BACE1: variants seen among roughly 807,000 people sequenced by gnomAD.
BACE1 encodes beta-secretase 1.
BACE1 carries 21 observed loss-of-function variants against 54.0 expected under a neutral mutation model. That is an observed-to-expected ratio of 0.39 (90% CI 0.28 to 0.56). The LOEUF (loss-of-function observed/expected upper bound fraction) is 0.56. BACE1 is among the 20% of genes least tolerant of loss of function. BACE1 has a pLI of 0.63. For synonymous variants in BACE1, 232 were observed against 260.9 expected (o/e 0.89, Z 1.07); for missense variants, 511 against 661.2 (o/e 0.77, Z 2.49).
At position 117,292,829 on chromosome 11, in the gene BACE1, T is replaced by G. The variant is rs2134451684; in HGVS notation, c.840+225A>C. ...CAAGGCAGTGACTAGAGTCCAGACATCAGAACTAGTTCCATGTTTTTTTTT... is the reference window on the plus strand; with the variant it reads ...CAAGGCAGTGACTAGAGTCCAGACAGCAGAACTAGTTCCATGTTTTTTTTT... On this transcript the variant is annotated intron_variant, in intron 5 of 8. Coordinates refer to ENST00000313005, the MANE Select transcript of BACE1 (RefSeq NM_012104.6). The G allele has an allele frequency of 6.1e-6, 3 of 491,532 alleles. No individual in the cohort carries two copies. The South Asian group carries it at 8.0e-5, about 13-fold the overall frequency. The allele number at this position is 491,532 out of a possible 1,614,324, so 30.4% of individuals were successfully genotyped here. A position where few individuals can be genotyped will look rare whatever the true frequency, so the allele number is the denominator to read the frequency against.
rs903520101 is a variant in BACE1 at position 117,309,856 on chromosome 11, CTA to C, written c.261+5677_261+5678del. ...CACTCCTAACAGTTACCTTATTATC[CTA>C]TGTTTGGTCAGTGATGCTCATAATA... On this transcript the variant is annotated intron_variant, in intron 1 of 8. Coordinates refer to ENST00000313005, the MANE Select transcript of BACE1 (RefSeq NM_012104.6). Among the ~76,000 whole-genome samples, 3 of 152,090 alleles carry C rather than the reference CTA, an allele frequency of 2.0e-5. No individual in the cohort carries two copies. The East Asian group carries it at 5.8e-4, about 29-fold the overall frequency.
chr11:117,289,920 T>C, intron 8 of BACE1, 113 bp from the exon 9 acceptor site: 1 of 931,798 alleles, frequency 1.1e-6, no homozygotes, highest in Non-Finnish European at 1.6e-6. Context: ...TTATCTAATC[T>C]CCTTCCCAGG....
chr11:117,313,220 A>G (rs1406686308), intron 1 of BACE1, among the ~76,000 whole-genome samples: 12 of 152,184 alleles, frequency 7.9e-5, no homozygotes, highest in Non-Finnish European at 4.4e-5. Flanking sequence ...TAGAAATCAT[A>G]GTGCAAGCCA....
At position 117,293,990 on chromosome 11, in the gene BACE1, G is replaced by A; in HGVS notation, c.586C>T (p.Pro196Ser). The A allele has an allele frequency of 6.2e-7, 1 of 1,613,786 alleles. No homozygotes were observed. The highest frequency in any genetic ancestry group is 8.5e-7 in the Non-Finnish European group (1 of 1,179,858). ...TGCTTTACCAGAGAGTCAAAGAAAGGCTCCAGGGAGTCGTCAGGCTTTGGC... is the reference window on the plus strand; with the variant it reads ...TGCTTTACCAGAGAGTCAAAGAAAGACTCCAGGGAGTCGTCAGGCTTTGGC... ...EIARPDDSLE[P>S]FFDSLVKQTH... The change falls in exon 4 of 9, where the codon CCT becomes TCT. Residue 196 changes from proline (P) to serine (S), a missense_variant. Pro to Ser is a moderately conservative substitution (Grantham distance 74, BLOSUM62 -1). Transcript: ENST00000313005. This position sits in a 1 kb window ranked among gnomAD's most constrained non-coding sequence, Gnocchi z 4.1.
At chr11:117,312,217 G>A (rs1028598424) in intron 1 of BACE1, among the ~76,000 whole-genome samples, 2 of 152,184 alleles carry the variant, frequency 1.3e-5, no homozygotes, top group Non-Finnish European at 2.9e-5. Context: ...CTCATTCACT[G>A]TGGACTCTCC....
At chr11:117,299,413 C>T (rs943046261) in intron 1 of BACE1, among the ~76,000 whole-genome samples, 2 of 152,068 alleles carry the variant, frequency 1.3e-5, no homozygotes, top group Non-Finnish European at 2.9e-5. Flanking sequence ...CTTCTCTGGA[C>T]TTCAGTTTCG....
At chr11:117,296,279 AC>A (rs954051723) in intron 2 of BACE1, among the ~76,000 whole-genome samples, 3 of 147,076 alleles carry the variant, frequency 2.0e-5, no homozygotes, top group African/African-American at 7.7e-5. Context: ...GTCCTCTTCA[AC>A]CCCCCTTTCA....
intron 5 of BACE1, chr11:117,292,158 T>A (rs75236964): frequency 0.023 from 3,709 of 159,894 alleles, 179 homozygotes; most frequent in African/African-American, 0.084. Flanking sequence ...AATACCTTGT[T>A]TAGTGCTTTT....
Position 117,291,840 on chromosome 11 carries a change from G to GAGTC in BACE1, c.841-31_841-28dup, listed in dbSNP as rs1176138385. 9 of 1,562,544 alleles carry GAGTC rather than the reference G, an allele frequency of 5.8e-6. No individual in the cohort carries two copies. The South Asian group carries it at 1.0e-4, about 17-fold the overall frequency. On this transcript the variant is annotated intron_variant, in intron 5 of 8. Transcript: ENST00000313005. ...TAAGAGGGAAAAGAGAGAGTTAAAA[G>GAGTC]AGTCAAAAGGTTTTTGATGCTGGGC...
intron 1 of BACE1, among the ~76,000 whole-genome samples, chr11:117,301,451 T>A (rs1257847678): frequency 6.6e-6 from 1 of 152,050 alleles, no homozygotes; most frequent in Non-Finnish European, 1.5e-5. Flanking sequence ...ACAAACAAAA[T>A]TTTTAAAATT....
At chr11:117,299,705 C>T in intron 1 of BACE1, 2 of 399,704 alleles carry the variant, frequency 5.0e-6, no homozygotes, top group South Asian at 3.5e-5. Flanking sequence ...AGATGCTGTG[C>T]TTTCAGAGAA....
At chr11:117,308,522 C>G (rs551061867) in intron 1 of BACE1, among the ~76,000 whole-genome samples, 2 of 152,320 alleles carry the variant, frequency 1.3e-5, no homozygotes, top group African/African-American at 4.8e-5. Flanking sequence ...CTACTCTGTT[C>G]TTCTTAACAG....
In BACE1 at chr11:117,293,969, T is replaced by G; in HGVS notation, c.607A>C (p.Lys203Gln). 1 of 1,613,880 alleles carries G rather than the reference T, an allele frequency of 6.2e-7. No individual in the cohort carries two copies. Among genetic ancestry groups the G allele is most frequent in the Non-Finnish European group, 8.5e-7 (1 of 1,179,916 alleles). The change falls in exon 4 of 9, where the codon AAG becomes CAG. Residue 203 changes from lysine (K) to glutamine (Q), a missense_variant. By Grantham distance (53) the Lys-to-Gln change is moderately conservative (BLOSUM62 1). Transcript: ENST00000313005. This position sits in a 1 kb window ranked among gnomAD's most constrained non-coding sequence, Gnocchi z 4.1. ...SLEPFFDSLV[K>Q]QTHVPNLFSL... The stretch of plus-strand genomic sequence containing the variant: ...AAGAGGTTGGGAACGTGGGTCTGCT[T>G]TACCAGAGAGTCAAAGAAAGGCTCC...
Position 117,316,227 on chromosome 11 carries a change from C to T in BACE1, c.-432G>A, listed in dbSNP as rs2035122255. On this transcript the variant is annotated 5_prime_UTR_variant, in exon 1 of 9. Transcript: ENST00000313005. ...AATCCAGCTCGCGGCTCGCAGCTCCCGGGCGGGCTGGGGAGGCGGAAAGAC... is the reference window on the plus strand; with the variant it reads ...AATCCAGCTCGCGGCTCGCAGCTCCTGGGCGGGCTGGGGAGGCGGAAAGAC... 9 of 435,158 alleles carry T rather than the reference C, an allele frequency of 2.1e-5. No individual in the cohort carries two copies. The South Asian group carries it at 4.2e-4, about 20-fold the overall frequency. 27.0% of individuals were successfully genotyped at this position (435,158 alleles called of 1,614,324 possible). A position where few individuals can be genotyped will look rare whatever the true frequency, so the allele number is the denominator to read the frequency against.
chr11:117,286,992 C>A lies in BACE1; in HGVS notation c.*2574G>T, dbSNP rs991007970. The stretch of plus-strand genomic sequence containing the variant: ...CCTCAACTTTACAGCAGCCTTAGGC[C>A]ACCTGCCGTATTTTTCAGTATCCCC... On this transcript the variant is annotated 3_prime_UTR_variant, in exon 9 of 9. Transcript: ENST00000313005. 2 of 152,170 alleles carry A rather than the reference C, an allele frequency of 1.3e-5. No individual in the cohort carries two copies. Among genetic ancestry groups the A allele is most frequent in the African/African-American group, 2.4e-5 (1 of 41,402 alleles). The allele number at this position is 152,170 out of a possible 1,614,324, so 9.4% of individuals were successfully genotyped here.
chr11:117,298,869 G>A (rs776175335), intron 1 of BACE1, among the ~76,000 whole-genome samples: 1 of 152,152 alleles, frequency 6.6e-6, no homozygotes, highest in Admixed American at 6.5e-5. Context: ...GCAATGGCGC[G>A]ATCTCGGCTC....
chr11:117,289,725 CTG>C lies in BACE1; in HGVS notation c.1345_1346del (p.Gln449AspfsTer3). The C allele has an allele frequency of 6.2e-7, 1 of 1,614,234 alleles. No homozygotes were observed. The highest frequency in any genetic ancestry group is 1.1e-5 in the South Asian group (1 of 91,084). On this transcript the variant is annotated frameshift_variant, in exon 9 of 9. Transcript: ENST00000313005. LOFTEE classifies it high-confidence loss of function. ...TGGTCATGAGGGTTGACTCATCTGTCTGTGGAATGTTGTAGCCACAGTCTTCC... is the reference window on the plus strand; with the variant it reads ...TGGTCATGAGGGTTGACTCATCTGTCTGGAATGTTGTAGCCACAGTCTTCC... ...DMEDCGYNIP[Q>X]TDESTLMTIA...
chr11:117,294,772 C>T (rs963851207), intron 3 of BACE1, among the ~76,000 whole-genome samples: 3 of 151,088 alleles, frequency 2.0e-5, no homozygotes, highest in African/African-American at 7.3e-5. Context: ...ATAATCCCAG[C>T]TACTCGGGAG....
chr11:117,292,929 A>G, intron 5 of BACE1, 125 bp downstream of exon 5: 2 of 1,229,356 alleles, frequency 1.6e-6, no homozygotes, highest in Non-Finnish European at 2.3e-6. Context: ...TCTAGGCTCA[A>G]CTTCCAACCC....
Sources: gnomAD v4.1 joint callset for allele counts (sites outside exome capture counted in the v4.1 genomes callset) on GRCh38, gnomAD v4.1.1 for gene constraint, Gnocchi (gnomAD v3.1) non-coding constraint, MANE v1.5 for transcripts, NCBI Gene and HGNC (gene_info 2026-07-23, HGNC 2026-07-21) for gene names.